CENPF: variants seen among roughly 807,000 people sequenced by gnomAD.
CENPF encodes the protein AH antigen.
Under a neutral mutation model 307.3 loss-of-function variants are expected in CENPF, and 214 were observed. The ratio of observed to expected loss-of-function variants is 0.70; its 90% confidence interval spans 0.62 to 0.78. The LOEUF is 0.78. CENPF is among the 30% of genes least tolerant of loss of function. The pLI is 0.00. For missense variants in CENPF, 3,401 were observed against 3,483.9 expected (o/e 0.98, Z 0.60); for synonymous variants, 1,259 against 1,270.6 (o/e 0.99, Z 0.19).
intron 17 of CENPF, 111 bp downstream of exon 17, chr1:214,655,514 T>G (rs766019475): frequency 5.6e-5 from 50 of 893,740 alleles, no homozygotes; most frequent in Non-Finnish European, 7.3e-5. Context: ...TATTACTGAG[T>G]GCTGATTTTT....
Position 214,640,745 on chromosome 1 carries a change from G to T in CENPF, c.2407G>T (p.Glu803Ter). 1 of 1,614,102 alleles carries T rather than the reference G, an allele frequency of 6.2e-7. No homozygotes were observed. Among genetic ancestry groups the T allele is most frequent in the Non-Finnish European group, 8.5e-7 (1 of 1,180,008 alleles). ...MHHSFANIIG[E>*]QGSMPSERSE... Reference sequence around the variant, plus strand: ...TCATTCCTTTGCAAATATAATTGGAGAACAAGGAAGCATGCCTTCAGAGAG... The same window carrying T: ...TCATTCCTTTGCAAATATAATTGGATAACAAGGAAGCATGCCTTCAGAGAG... Residue 803 changes from glutamate (E) to a stop codon, truncating the protein, a stop_gained, in exon 12 of 20, where the codon GAA becomes TAA. Transcript: ENST00000366955. LOFTEE classifies it high-confidence loss of function.
chr1:214,618,665 C>T lies in CENPF; in HGVS notation c.452C>T (p.Thr151Ile), dbSNP rs564394101. The change falls in exon 4 of 20, where the codon ACT (threonine) becomes ATT (isoleucine). Residue 151 changes from threonine (T) to isoleucine (I), a missense_variant. Transcript: ENST00000366955. ...AATACACCACAAAAAATTTTTACAA[C>T]TCCACTAACACCAAGTCAATATTAT... Reference protein sequence around the residue: ...PCNTPQKIFTTPLTPSQYYSG... With the variant: ...PCNTPQKIFTIPLTPSQYYSG... The T allele has an allele frequency of 6.8e-6, 11 of 1,614,010 alleles. No individual in the cohort carries two copies. Among genetic ancestry groups the T allele is most frequent in the South Asian group, 4.4e-5 (4 of 91,074 alleles).
At chr1:214,603,957 C>T (rs1216795721) in intron 1 of CENPF, among the ~76,000 whole-genome samples, 3 of 152,098 alleles carry the variant, frequency 2.0e-5, no homozygotes, top group African/African-American at 4.8e-5. Context: ...GCCACTACGC[C>T]CGGTCCTCCC....
At position 214,647,283 on chromosome 1, in the gene CENPF, G is replaced by T. The variant is rs935938601; in HGVS notation, c.7713G>T (p.Val2571=). Reference sequence around the variant, plus strand: ...TGGAATTGGAGCAGAAGATCCAAGTGCTACAATCCAAAAATGCCTCTTTGC... The same window carrying T: ...TGGAATTGGAGCAGAAGATCCAAGTTCTACAATCCAAAAATGCCTCTTTGC... ...LTVELEQKIQ[V]LQSKNASLQD... is the part of the protein sequence containing the mutation. Residue 2571 remains valine (V), a synonymous_variant, in exon 13 of 20, where the codon GTG becomes GTT. Transcript: ENST00000366955. The T allele has an allele frequency of 1.2e-6, 2 of 1,614,092 alleles. No homozygotes were observed. Among genetic ancestry groups the T allele is most frequent in the African/African-American group, 2.7e-5 (2 of 75,042 alleles).
intron 8 of CENPF, 63 bp from the exon 9 acceptor site, chr1:214,630,471 C>G: frequency 6.3e-7 from 1 of 1,596,814 alleles, no homozygotes; most frequent in Non-Finnish European, 8.5e-7. Flanking sequence ...ATGCTCATGC[C>G]TCACCCTGGA....
intron 9 of CENPF, 105 bp from the exon 10 acceptor site, chr1:214,632,375 G>A (rs1657831699): frequency 8.3e-7 from 1 of 1,210,378 alleles, no homozygotes; most frequent in Non-Finnish European, 1.2e-6. Flanking sequence ...AAAATAGATG[G>A]CATCCATTTT....
intron 17 of CENPF, among the ~76,000 whole-genome samples, 169 bp from the exon 18 acceptor site, chr1:214,656,764 C>A (rs1388325239): frequency 3.3e-5 from 5 of 151,976 alleles, no homozygotes; most frequent in African/African-American, 4.8e-5. Flanking sequence ...TGATATACCT[C>A]CCGAACAAGA....
Position 214,632,597 on chromosome 1 carries a change from A to G in CENPF, c.1441A>G (p.Met481Val), listed in dbSNP as rs767338277. The change falls in exon 10 of 20, where the codon ATG becomes GTG. Residue 481 changes from methionine to valine, a missense_variant. By Grantham distance (21) the Met-to-Val change is conservative. Coordinates refer to ENST00000366955, the MANE Select transcript of CENPF (RefSeq NM_016343.4). ...QIKENELRRSMEEMKKENNLL... is the reference protein window; with the variant it reads ...QIKENELRRSVEEMKKENNLL... ...CAAGGAGAATGAGCTGAGGAGAAGC[A>G]TGGAGGTAAGGGAGGAGGATGCCGA... 6 of 1,613,902 alleles carry G rather than the reference A, an allele frequency of 3.7e-6. No individual in the cohort carries two copies. Among genetic ancestry groups the G allele is most frequent in the Admixed American group, 1.7e-5 (1 of 59,986 alleles).
intron 10 of CENPF, among the ~76,000 whole-genome samples, chr1:214,635,203 AAC>A (rs1412806394): frequency 6.6e-6 from 1 of 152,204 alleles, no homozygotes; most frequent in African/African-American, 2.4e-5. Context: ...GAAAGGGAAA[AAC>A]ACATTCTTTG....
Position 214,645,864 on chromosome 1 carries a change from G to A in CENPF, c.6294G>A (p.Val2098=), listed in dbSNP as rs934055448. 2 of 1,614,164 alleles carry A rather than the reference G, an allele frequency of 1.2e-6. No homozygotes were observed. The highest frequency in any genetic ancestry group is 1.3e-5 in the African/African-American group (1 of 75,054). ...NVSKALEAAL[V]EKGEFALRLS... ...CCAAGGCCTTGGAGGCCGCACTGGTGGAGAAAGGTGAGTTCGCATTGAGGC... is the reference window on the plus strand; with the variant it reads ...CCAAGGCCTTGGAGGCCGCACTGGTAGAGAAAGGTGAGTTCGCATTGAGGC... Residue 2098 remains valine (V), a synonymous_variant, in exon 13 of 20, where the codon GTG becomes GTA. Coordinates refer to ENST00000366955, the MANE Select transcript of CENPF (RefSeq NM_016343.4).
At position 214,642,301 on chromosome 1, in the gene CENPF, G is replaced by A. The variant is rs1658145508; in HGVS notation, c.3963G>A (p.Leu1321=). The A allele has an allele frequency of 3.1e-6, 5 of 1,613,636 alleles. No individual in the cohort carries two copies. The South Asian group carries it at 5.5e-5, about 18-fold the overall frequency. ...AAAAGTATGAACTCGTAACTGAGCT[G>A]AATGATTCAAGGTCAGAATGTATCA... is the stretch of plus-strand genomic sequence containing the variant. ...QAEKYELVTE[L]NDSRSECITA... is the part of the protein sequence containing the mutation. Residue 1321 remains leucine (L), a synonymous_variant, in exon 12 of 20, where the codon CTG becomes CTA. Transcript: ENST00000366955.
At chr1:214,639,679 TAGAA>T (rs1472681462) in intron 11 of CENPF, among the ~76,000 whole-genome samples, 3 of 152,222 alleles carry the variant, frequency 2.0e-5, no homozygotes, top group Non-Finnish European at 4.4e-5. Flanking sequence ...CTTAAGCTGC[TAGAA>T]AGAAGATGAA....
intron 7 of CENPF, among the ~76,000 whole-genome samples, chr1:214,624,406 G>A (rs1329704300): frequency 2.0e-5 from 3 of 152,050 alleles, no homozygotes; most frequent in East Asian, 1.9e-4. Flanking sequence ...TGAATCTGGA[G>A]ATTTCTTTTC....
At chr1:214,643,633 A>G (rs1456457996) in intron 12 of CENPF, among the ~76,000 whole-genome samples, 2 of 152,192 alleles carry the variant, frequency 1.3e-5, no homozygotes, top group Non-Finnish European at 2.9e-5. Flanking sequence ...GTGTGTTTCC[A>G]CCCTTTGTGC....
intron 19 of CENPF, among the ~76,000 whole-genome samples, chr1:214,662,967 AC>A (rs1305295992): frequency 6.6e-6 from 1 of 151,758 alleles, no homozygotes; most frequent in Non-Finnish European, 1.5e-5. Flanking sequence ...ATCTTCACTC[AC>A]CAGTTACCTT....
intron 12 of CENPF, 46 bp downstream of exon 12, chr1:214,643,370 G>T: frequency 7.2e-7 from 1 of 1,389,620 alleles, no homozygotes; most frequent in Non-Finnish European, 9.5e-7. Context: ...TACATGACTA[G>T]TGGACACTCA....
chr1:214,629,294 T>C, intron 8 of CENPF, 123 bp downstream of exon 8: 1 of 931,356 alleles, frequency 1.1e-6, no homozygotes, highest in African/African-American at 1.7e-5. Flanking sequence ...GGAGAAATGC[T>C]TTGTGAGCTA....
intron 1 of CENPF, among the ~76,000 whole-genome samples, chr1:214,612,016 T>C (rs994225538): frequency 6.6e-6 from 1 of 152,174 alleles, no homozygotes. Context: ...TCCAATAGTA[T>C]GTTGAATAGG....
At position 214,640,936 on chromosome 1, in the gene CENPF, T is replaced by G. The variant is rs1388951809; in HGVS notation, c.2598T>G (p.Asn866Lys). The change falls in exon 12 of 20, where the codon AAT (asparagine) becomes AAG (lysine). Residue 866 changes from asparagine to lysine, a missense_variant. By Grantham distance (94) the Asn-to-Lys change is moderately conservative (BLOSUM62 0). Coordinates refer to ENST00000366955, the MANE Select transcript of CENPF (RefSeq NM_016343.4). ...LVQIKGEIEE[N>K]LMKAEQMHQS... ...AAATCAAAGGAGAAATAGAAGAAAATCTCATGAAAGCAGAACAGATGCATC... is the reference window on the plus strand; with the variant it reads ...AAATCAAAGGAGAAATAGAAGAAAAGCTCATGAAAGCAGAACAGATGCATC... The G allele has an allele frequency of 1.2e-6, 2 of 1,608,938 alleles. No homozygotes were observed. Among genetic ancestry groups the G allele is most frequent in the Non-Finnish European group, 1.7e-6 (2 of 1,178,892 alleles).
Sources: allele counts gnomAD v4.1 joint callset (sites outside exome capture counted in the v4.1 genomes callset), GRCh38; gene constraint gnomAD v4.1.1; transcripts MANE v1.5; gene names NCBI Gene and HGNC (gene_info 2026-07-23, HGNC 2026-07-21).